CACNA1E: variants seen among roughly 807,000 people sequenced by gnomAD.
CACNA1E encodes the protein voltage-dependent R-type calcium channel subunit alpha-1E.
A neutral mutation model predicts 259.2 loss-of-function variants in CACNA1E; 40 were observed. The observed-to-expected ratio is 0.15, with a 90% CI of 0.12 to 0.20. The LOEUF (loss-of-function observed/expected upper bound fraction) is 0.20, where lower values mean the gene tolerates loss of function less well. Among genes scored for constraint, CACNA1E ranks in the 10% least tolerant of loss-of-function variants. The pLI is 1.00. For missense variants in CACNA1E, 1,874 were observed against 3,040.1 expected (o/e 0.62, Z 9.02); for synonymous variants, 1,104 against 1,138.5 (o/e 0.97, Z 0.61).
chr1:181,713,185 C>G (rs937897140), intron 8 of CACNA1E, among the ~76,000 whole-genome samples: 1 of 152,166 alleles, frequency 6.6e-6, no homozygotes, highest in Admixed American at 6.5e-5. Flanking sequence ...TCCCAGAGAT[C>G]TCGGCAGCAC....
intron 1 of CACNA1E, among the ~76,000 whole-genome samples, chr1:181,365,916 G>C (rs977025237): frequency 1.3e-5 from 2 of 152,214 alleles, no homozygotes; most frequent in Non-Finnish European, 2.9e-5. Context: ...CAGATGTACT[G>C]TGCAAACTGG....
intron 7 of CACNA1E, among the ~76,000 whole-genome samples, chr1:181,693,705 C>A (rs1651432548): frequency 6.6e-6 from 1 of 152,046 alleles, no homozygotes; most frequent in South Asian, 2.1e-4. Flanking sequence ...ACTACCTGGG[C>A]AAGAGGATCA....
chr1:181,722,292 G>A (rs1455107336), intron 16 of CACNA1E, among the ~76,000 whole-genome samples: 1 of 152,140 alleles, frequency 6.6e-6, no homozygotes, highest in African/African-American at 2.4e-5. Context: ...TAGGATTAAT[G>A]CTATTACTGC....
chr1:181,671,754 C>T (rs953011251), intron 7 of CACNA1E, among the ~76,000 whole-genome samples: 1 of 152,150 alleles, frequency 6.6e-6, no homozygotes, highest in Non-Finnish European at 1.5e-5. Flanking sequence ...AAACAAAAAC[C>T]GGAGCAATAG....
At chr1:181,775,506 A>C (rs1052580088) in intron 37 of CACNA1E, among the ~76,000 whole-genome samples, 10 of 152,096 alleles carry the variant, frequency 6.6e-5, no homozygotes, top group Non-Finnish European at 1.3e-4. Flanking sequence ...ATGTCACTTT[A>C]TCTCTCTCCT....
chr1:181,369,868 T>G (rs907939135), intron 1 of CACNA1E, among the ~76,000 whole-genome samples: 4 of 152,216 alleles, frequency 2.6e-5, no homozygotes, highest in Non-Finnish European at 2.9e-5. Context: ...TTGTGTGTCA[T>G]GGGGGTTTGA....
At chr1:181,356,553 G>A (rs1363972289) in intron 1 of CACNA1E, among the ~76,000 whole-genome samples, 1 of 152,214 alleles carries the variant, frequency 6.6e-6, no homozygotes, top group East Asian at 1.9e-4. Context: ...TGGCTCTGCT[G>A]TTCCCAGAAG....
intron 12 of CACNA1E, among the ~76,000 whole-genome samples, chr1:181,718,561 T>G (rs1654119309): frequency 6.6e-6 from 1 of 150,902 alleles, no homozygotes; most frequent in Admixed American, 6.6e-5. Flanking sequence ...ATATTTGTTT[T>G]TCTACTTCAG....
intron 6 of CACNA1E, among the ~76,000 whole-genome samples, chr1:181,647,411 GT>G (rs1440695346): frequency 1.3e-5 from 2 of 152,118 alleles, no homozygotes; most frequent in Non-Finnish European, 2.9e-5. Context: ...TGTCACAGAA[GT>G]TGGGGGGGAT....
At chr1:181,461,392 T>C (rs1424767897) in intron 2 of CACNA1E, among the ~76,000 whole-genome samples, 1 of 151,404 alleles carries the variant, frequency 6.6e-6, no homozygotes, top group East Asian at 1.9e-4. Context: ...ATACAAAAAA[T>C]TAGCCGGGCG....
At chr1:181,640,691 G>T (rs990984227) in intron 6 of CACNA1E, among the ~76,000 whole-genome samples, 1 of 152,212 alleles carries the variant, frequency 6.6e-6, no homozygotes, top group Non-Finnish European at 1.5e-5. Context: ...CTGAATATTT[G>T]AGTGAGCTAA....
At chr1:181,607,830 G>A (rs531737586) in intron 6 of CACNA1E, among the ~76,000 whole-genome samples, 39 of 152,268 alleles carry the variant, frequency 2.6e-4, no homozygotes, top group African/African-American at 9.4e-4. Flanking sequence ...GAAAGATGGT[G>A]TTTCAGGCAG....
intron 2 of CACNA1E, among the ~76,000 whole-genome samples, chr1:181,466,272 G>A (rs1269018667): frequency 2.0e-5 from 3 of 152,176 alleles, no homozygotes; most frequent in African/African-American, 7.2e-5. Flanking sequence ...GCTGGGCATG[G>A]TGGCTCATGC....
At chr1:181,775,998 C>T (rs1432668532) in intron 37 of CACNA1E, 103 bp from the exon 38 acceptor site, 8 of 1,065,300 alleles carry the variant, frequency 7.5e-6, no homozygotes, top group South Asian at 3.0e-5. Context: ...TGTTCTGGCT[C>T]GTTTGCTAAA....
chr1:181,700,010 G>A (rs564602456), intron 7 of CACNA1E, among the ~76,000 whole-genome samples: 45 of 152,228 alleles, frequency 3.0e-4, no homozygotes, highest in African/African-American at 9.9e-4. Context: ...ACAAAAATTC[G>A]GTAGCTTTCA....
intron 6 of CACNA1E, among the ~76,000 whole-genome samples, chr1:181,610,169 CT>C (rs1654623025): frequency 6.6e-6 from 1 of 152,196 alleles, no homozygotes; most frequent in Non-Finnish European, 1.5e-5. Context: ...GGATAAAAGC[CT>C]TTTGCCTCCA....
At chr1:181,338,095 T>C (rs138435370) in intron 1 of CACNA1E, among the ~76,000 whole-genome samples, 1 of 152,260 alleles carries the variant, frequency 6.6e-6, no homozygotes, top group African/African-American at 2.4e-5. Flanking sequence ...TTTTTTTGTT[T>C]GTTTTTGTGA....
rs539436074 is a variant in CACNA1E at position 181,732,552 on chromosome 1, C to G, written c.2466C>G (p.Ala822=). ...TCAGCTCCCTCAACCCGCTCAATGC[C>G]CACCCCAGCCTTTATCGGCGACCCA... is the stretch of plus-strand genomic sequence containing the variant. ...NPLSSLNPLN[A]HPSLYRRPRA... is the part of the protein sequence containing the mutation. Residue 822 remains alanine (A), a synonymous_variant, in exon 20 of 48, where the codon GCC becomes GCG. Coordinates refer to ENST00000367573, the MANE Select transcript of CACNA1E (RefSeq NM_001205293.3). This position sits in a 1 kb window ranked among gnomAD's most constrained non-coding sequence, Gnocchi z 5.5. 7.8e-6 allele frequency: 12 copies of G among 1,547,812 alleles called. No individual in the cohort carries two copies. Among genetic ancestry groups the G allele is most frequent in the South Asian group, 1.2e-5 (1 of 83,480 alleles).
In CACNA1E at chr1:181,798,434, G is replaced by A. The variant is rs1443222359; in HGVS notation, c.6542G>A (p.Ser2181Asn). Residue 2181 changes from serine (S) to asparagine (N), a missense_variant, in exon 48 of 48, where the codon AGC (serine) becomes AAC (asparagine). This residue lies in a region of CACNA1E where 542 missense variants were observed against 587.2 expected (regional missense o/e 0.92). Coordinates refer to ENST00000367573, the MANE Select transcript of CACNA1E (RefSeq NM_001205293.3). This position sits in a 1 kb window ranked among gnomAD's most constrained non-coding sequence, Gnocchi z 4.2. The stretch of plus-strand genomic sequence containing the variant: ...AGCTCCCTGATTCGACACGCGGGCA[G>A]CATCTCTCCACCTGCTGATGGAAGC... ...SYSSLIRHAGSISPPADGSEE... is the reference protein window; with the variant it reads ...SYSSLIRHAGNISPPADGSEE... 3.1e-6 allele frequency: 5 copies of A among 1,613,742 alleles called. No homozygotes were observed. The highest frequency in any genetic ancestry group is 2.7e-5 in the African/African-American group (2 of 75,024).
Sources: gnomAD v4.1 joint callset for allele counts (sites outside exome capture counted in the v4.1 genomes callset) on GRCh38, gnomAD v4.1.1 for gene constraint, gnomAD v4.1.1 regional missense constraint, Gnocchi (gnomAD v3.1) non-coding constraint, MANE v1.5 for transcripts, NCBI Gene and HGNC (gene_info 2026-07-23, HGNC 2026-07-21) for gene names.